Variants in C3orf85 observed in about 807,000 individuals in gnomAD.
C3orf85 encodes the protein uncharacterized protein C3orf85.
Under a neutral mutation model 1.7 loss-of-function variants are expected in C3orf85, and 1 was observed. That is an observed-to-expected ratio of 0.60 (90% CI 0.21 to 2.86). C3orf85 has a LOEUF of 2.86. Ranked by LOEUF, C3orf85 falls within the 30% of genes most tolerant of loss-of-function variation. The pLI, the probability that C3orf85 is intolerant of heterozygous loss-of-function variation, is 0.22. For missense variants in C3orf85, 29 were observed against 21.3 expected, an observed-to-expected ratio of 1.36 and a Z score of -0.72; for synonymous variants, 17 against 8.0, an observed-to-expected ratio of 2.13 and a Z score of -1.90.
At chr3:109,144,638 C>T (rs1266036949) in intron 2 of C3orf85, among the ~76,000 whole-genome samples, 1 of 152,174 alleles carries the variant, frequency 6.6e-6, no homozygotes, top group African/African-American at 2.4e-5. Context: ...GCATGCTTCT[C>T]TGCCAAGATT....
At chr3:109,148,188 G>T in intron 2 of C3orf85, 65 bp from the exon 3 acceptor site, 1 of 651,346 alleles carries the variant, frequency 1.5e-6, no homozygotes, top group South Asian at 1.8e-5. Context: ...GTCTCTTGAA[G>T]AGGAAACATT....
intron 2 of C3orf85, among the ~76,000 whole-genome samples, chr3:109,138,512 C>T (rs1269894349): frequency 6.6e-6 from 1 of 152,188 alleles, no homozygotes; most frequent in Non-Finnish European, 1.5e-5. Flanking sequence ...TTCATCTGTA[C>T]TTCTCTGAAG....
intron 3 of C3orf85, 49 bp from the exon 4 acceptor site, chr3:109,149,756 T>G (rs1053394277): frequency 2.5e-6 from 1 of 397,932 alleles, no homozygotes; most frequent in Non-Finnish European, 4.4e-6. Context: ...TGATGCAAGA[T>G]GTGTTCTACA....
At chr3:109,141,114 G>C (rs992345013) in intron 2 of C3orf85, among the ~76,000 whole-genome samples, 1 of 152,186 alleles carries the variant, frequency 6.6e-6, no homozygotes, top group Non-Finnish European at 1.5e-5. Context: ...AGCCTCCTGA[G>C]TAGCTGGGAT....
chr3:109,144,155 G>A (rs1188309547), intron 2 of C3orf85, among the ~76,000 whole-genome samples: 1 of 151,974 alleles, frequency 6.6e-6, no homozygotes, highest in Non-Finnish European at 1.5e-5. Context: ...TAAAACTCAG[G>A]GTTCAGTTTT....
intron 2 of C3orf85, among the ~76,000 whole-genome samples, chr3:109,137,852 T>A (rs1406053588): frequency 6.6e-6 from 1 of 151,964 alleles, no homozygotes; most frequent in Non-Finnish European, 1.5e-5. Context: ...CATTGCCAGA[T>A]GAAGAAAGTG....
intron 2 of C3orf85, among the ~76,000 whole-genome samples, chr3:109,143,987 T>A (rs1194581770): frequency 1.3e-5 from 2 of 152,164 alleles, no homozygotes; most frequent in Non-Finnish European, 2.9e-5. Flanking sequence ...TAAAGCTGAC[T>A]ATGATGTGAG....
intron 2 of C3orf85, among the ~76,000 whole-genome samples, chr3:109,144,995 A>G (rs1207514543): frequency 2.6e-5 from 4 of 152,198 alleles, no homozygotes; most frequent in Admixed American, 2.6e-4. Context: ...CATTTCATCT[A>G]AAAGCAAAAA....
At chr3:109,145,842 T>C (rs75235722) in intron 2 of C3orf85, among the ~76,000 whole-genome samples, 1 of 152,292 alleles carries the variant, frequency 6.6e-6, no homozygotes, top group African/African-American at 2.4e-5. Context: ...CTTTCAATCA[T>C]ATTGGTAAAA....
intron 2 of C3orf85, among the ~76,000 whole-genome samples, chr3:109,145,057 C>A (rs1185836758): frequency 6.6e-6 from 1 of 151,808 alleles, no homozygotes; most frequent in Non-Finnish European, 1.5e-5. Flanking sequence ...CGTGTTCCTT[C>A]CTCCTGTCTT....
intron 3 of C3orf85, chr3:109,149,178 C>T (rs4855583): frequency 6.6e-6 from 1 of 151,616 alleles, no homozygotes. Context: ...AATTCTTTCA[C>T]TTATTCTTTC....
chr3:109,142,056 A>G (rs1706748292), intron 2 of C3orf85, among the ~76,000 whole-genome samples: 1 of 152,220 alleles, frequency 6.6e-6, no homozygotes. Flanking sequence ...AACAAAGAGA[A>G]TATTCAAGTT....
chr3:109,139,510 C>CA (rs767134329), intron 2 of C3orf85, among the ~76,000 whole-genome samples: 3 of 152,014 alleles, frequency 2.0e-5, no homozygotes, highest in African/African-American at 4.8e-5. Flanking sequence ...GGAAAAAAAA[C>CA]AAATTTGAAA....
chr3:109,146,707 G>A (rs1182851849), intron 2 of C3orf85, among the ~76,000 whole-genome samples: 1 of 152,144 alleles, frequency 6.6e-6, no homozygotes, highest in Non-Finnish European at 1.5e-5. Context: ...CCAAAAGAGG[G>A]GCAAGGCAGA....
Position 109,137,070 on chromosome 3 carries a change from C to CTGTGTGTGTGTG in C3orf85, c.49+189_49+200dup, listed in dbSNP as rs3054419. On this transcript the variant is annotated intron_variant, in intron 2 of 3. Transcript: ENST00000622536. Reference sequence around the variant, plus strand: ...GTGGTTTTGAACATGTTAATGTTAACTGTGTGTGTGTGTGTGTGTGTGTGT... The same window carrying CTGTGTGTGTGTG: ...GTGGTTTTGAACATGTTAATGTTAACTGTGTGTGTGTGTGTGTGTGTGTGTGTGTGTGTGTGT... 3.8e-3 allele frequency among the ~76,000 whole-genome samples: 575 copies of CTGTGTGTGTGTG among 149,858 alleles called. 5 individuals are homozygous for CTGTGTGTGTGTG. The highest frequency in any genetic ancestry group is 0.01 in the African/African-American group (420 of 40,724).
At chr3:109,146,529 G>A (rs979551179) in intron 2 of C3orf85, among the ~76,000 whole-genome samples, 9 of 152,164 alleles carry the variant, frequency 5.9e-5, no homozygotes, top group African/African-American at 2.2e-4. Flanking sequence ...GTCAATGGGG[G>A]CTGCAGTCAT....
In C3orf85 at chr3:109,151,398, C is replaced by T. The variant is rs553147180; in HGVS notation, c.*1504C>T. ...GTTACATCCCAATAAACCCGTCACA[C>T]GCTGAAAATATCATAAGTCAAAAGT... On this transcript the variant is annotated 3_prime_UTR_variant, in exon 4 of 4. Transcript: ENST00000622536. Among the ~76,000 whole-genome samples, 7 of 151,990 alleles carry T rather than the reference C, an allele frequency of 4.6e-5. No homozygotes were observed. Among genetic ancestry groups the T allele is most frequent in the Non-Finnish European group, 7.4e-5 (5 of 68,008 alleles).
At chr3:109,137,041 G>C (rs952579469) in intron 2 of C3orf85, 145 bp downstream of exon 2, 5 of 390,216 alleles carry the variant, frequency 1.3e-5, no homozygotes, top group Non-Finnish European at 2.2e-5. Flanking sequence ...TATTGTAGAA[G>C]GCTGTGGTTT....
rs1235757401 is a variant in C3orf85, at chr3:109,150,804, T to A, written c.*910T>A. On this transcript the variant is annotated 3_prime_UTR_variant, in exon 4 of 4. Coordinates refer to ENST00000622536, the MANE Select transcript of C3orf85 (RefSeq NM_001351622.2). ...TTATCTCCATTCTCTATTCTCTATT[T>A]TAGTTGTTCTCTCGAACAATTTATT... is the stretch of plus-strand genomic sequence containing the variant. 6.6e-6 allele frequency among the ~76,000 whole-genome samples: 1 copy of A among 152,232 alleles called. No homozygotes were observed. The highest frequency in any genetic ancestry group is 2.4e-5 in the African/African-American group (1 of 41,470).
Sources: allele counts gnomAD v4.1 joint callset (sites outside exome capture counted in the v4.1 genomes callset), GRCh38; gene constraint gnomAD v4.1.1; transcripts MANE v1.5; gene names NCBI Gene and HGNC (gene_info 2026-07-23, HGNC 2026-07-21).